The following ANOS1 variants were observed in gnomAD, a reference collection of about 807,000 sequenced individuals.
ANOS1 encodes anosmin-1.
ANOS1 carries 6 observed loss-of-function variants against 59.0 expected under a neutral mutation model. That is an observed-to-expected ratio of 0.10 (90% confidence interval 0.06 to 0.20). The LOEUF is 0.20. ANOS1 is among the 10% of genes least tolerant of loss of function. The pLI, the probability that ANOS1 is intolerant of heterozygous loss-of-function variation, is 1.00. For synonymous variants in ANOS1, 217 were observed against 223.4 expected (o/e 0.97, Z 0.25); for missense variants, 433 against 542.3 (o/e 0.80, Z 2.00).
chrX:8,626,981 T>C (rs1480004310), intron 2 of ANOS1, among the ~76,000 whole-genome samples: 1 of 112,294 alleles, frequency 8.9e-6, no homozygotes, highest in East Asian at 2.8e-4. Context: ...TTGTTACTTA[T>C]TTTTTCTAGA....
At position 8,530,806 on chromosome X, in the gene ANOS1, A is replaced by G. The variant is rs1929486655; in HGVS notation, c.*2189T>C. On this transcript the variant is annotated 3_prime_UTR_variant, in exon 14 of 14. Coordinates refer to ENST00000262648, the MANE Select transcript of ANOS1 (RefSeq NM_000216.4). ...AACAGTACAAAAATTTGCTGGCATA[A>G]ACATTTGAATTTGTTCATGACAAGT... 1 of 110,835 alleles carries G rather than the reference A, an allele frequency of 9.0e-6. No individual in the cohort carries two copies. The highest frequency in any genetic ancestry group is 3.3e-5 in the African/African-American group (1 of 30,604). 9.1% of individuals were successfully genotyped at this position (110,835 alleles called of 1,213,427 possible). A position where few individuals can be genotyped will look rare whatever the true frequency, so the allele number is the denominator to read the frequency against.
intron 2 of ANOS1, among the ~76,000 whole-genome samples, chrX:8,629,258 T>A (rs771633780): frequency 2.1e-4 from 23 of 109,949 alleles, no homozygotes; most frequent in African/African-American, 6.9e-4. Flanking sequence ...GAAAAAAAAA[T>A]TTTAAAAAGG....
chrX:8,705,368 C>T (rs942491162), intron 1 of ANOS1, among the ~76,000 whole-genome samples: 1 of 111,651 alleles, frequency 9.0e-6, no homozygotes, highest in Non-Finnish European at 1.9e-5. Flanking sequence ...ATATATTTGC[C>T]CTCAAAATGC....
At chrX:8,730,805 G>A (rs1408598142) in intron 1 of ANOS1, among the ~76,000 whole-genome samples, 1 of 112,688 alleles carries the variant, frequency 8.9e-6, no homozygotes, top group Non-Finnish European at 1.9e-5. Flanking sequence ...GATGAGAGAA[G>A]AGAAAAATAA....
intron 8 of ANOS1, among the ~76,000 whole-genome samples, chrX:8,555,231 C>T (rs1452992777): frequency 1.8e-5 from 2 of 111,264 alleles, no homozygotes; most frequent in South Asian, 7.5e-4. Context: ...GCTAAAGCAG[C>T]GTTTAGAGGG....
chrX:8,644,867 T>C (rs1931726762), intron 2 of ANOS1, among the ~76,000 whole-genome samples: 1 of 112,721 alleles, frequency 8.9e-6, no homozygotes, highest in Non-Finnish European at 1.9e-5. Context: ...TGTCCTGCCC[T>C]TTCAGGCTGA....
intron 6 of ANOS1, 141 bp from the exon 7 acceptor site, chrX:8,570,845 C>T: frequency 1.8e-6 from 1 of 559,989 alleles, no homozygotes; most frequent in Non-Finnish European, 3.0e-6. Flanking sequence ...GGCATGGTGG[C>T]TCATGTCTGC....
chrX:8,710,711 C>T (rs1042793203), intron 1 of ANOS1, among the ~76,000 whole-genome samples: 3 of 111,639 alleles, frequency 2.7e-5, no homozygotes, highest in African/African-American at 6.6e-5. Context: ...GAATTCCTAG[C>T]GAAATCTCTC....
chrX:8,684,850 C>G (rs1487727321), intron 2 of ANOS1, among the ~76,000 whole-genome samples: 3 of 110,787 alleles, frequency 2.7e-5, no homozygotes. Context: ...GACCCACCTT[C>G]CTCAGCAAGC....
chrX:8,582,250 C>T (rs112704847), intron 6 of ANOS1, among the ~76,000 whole-genome samples: 5,684 of 112,233 alleles, frequency 0.051, 317 homozygotes, highest in African/African-American at 0.16. Flanking sequence ...TGCTTGTTTG[C>T]TTACACATAT....
intron 8 of ANOS1, among the ~76,000 whole-genome samples, chrX:8,565,467 A>G (rs1930094688): frequency 8.9e-6 from 1 of 112,284 alleles, no homozygotes; most frequent in Non-Finnish European, 1.9e-5. Context: ...GAGATCTGTA[A>G]CTACGCTGAT....
intron 9 of ANOS1, among the ~76,000 whole-genome samples, chrX:8,549,704 C>T (rs5978900): frequency 0.049 from 5,488 of 112,090 alleles, 325 homozygotes; most frequent in African/African-American, 0.17. Context: ...ACCGGTCCAA[C>T]CAATCTGGAT....
chrX:8,696,745 T>C (rs902689822), intron 2 of ANOS1, among the ~76,000 whole-genome samples: 1 of 112,468 alleles, frequency 8.9e-6, no homozygotes, highest in African/African-American at 3.2e-5. Context: ...TATAGGTTCT[T>C]TATTAGCATC....
intron 2 of ANOS1, among the ~76,000 whole-genome samples, chrX:8,668,394 C>T (rs868296743): frequency 3.9e-5 from 2 of 51,574 alleles, no homozygotes; most frequent in Non-Finnish European, 7.4e-5. Flanking sequence ...AGTATTCCAT[C>T]ATATATATAT....
At chrX:8,561,215 T>G (rs779860220) in intron 8 of ANOS1, among the ~76,000 whole-genome samples, 1 of 112,688 alleles carries the variant, frequency 8.9e-6, no homozygotes, top group Non-Finnish European at 1.9e-5. Context: ...AAAACGCACA[T>G]TTGTTAGATT....
chrX:8,648,577 A>G (rs768986168), intron 2 of ANOS1, among the ~76,000 whole-genome samples: 1 of 111,976 alleles, frequency 8.9e-6, no homozygotes, highest in Non-Finnish European at 1.9e-5. Flanking sequence ...ACTATTTGCC[A>G]TAAATCTAGT....
intron 2 of ANOS1, among the ~76,000 whole-genome samples, chrX:8,643,496 A>T (rs1438139386): frequency 9.0e-6 from 1 of 111,666 alleles, no homozygotes; most frequent in Admixed American, 9.6e-5. Context: ...GGCTTTATTT[A>T]ACTCTATATA....
At position 8,731,812 on chromosome X, in the gene ANOS1, G is replaced by A. The variant is rs924723279; in HGVS notation, c.207+18C>T. The A allele has an allele frequency of 8.5e-7, 1 of 1,181,178 alleles. No homozygotes were observed. The highest frequency in any genetic ancestry group is 1.1e-6 in the Non-Finnish European group (1 of 880,540). The stretch of plus-strand genomic sequence containing the variant: ...GGCCGCAGCCCCAGAAAGAACCCGG[G>A]CGGGGGCCTCCCCGTACCTGGAAGT... On this transcript the variant is annotated intron_variant, in intron 1 of 13. Coordinates refer to ENST00000262648, the MANE Select transcript of ANOS1 (RefSeq NM_000216.4).
intron 2 of ANOS1, among the ~76,000 whole-genome samples, chrX:8,639,578 C>A (rs1312406283): frequency 8.9e-6 from 1 of 111,832 alleles, no homozygotes; most frequent in African/African-American, 3.2e-5. Flanking sequence ...TTACAGAATG[C>A]TTCTCTTCTG....
Sources: gnomAD v4.1 joint callset for allele counts (sites outside exome capture counted in the v4.1 genomes callset) on GRCh38, gnomAD v4.1.1 for gene constraint, MANE v1.5 for transcripts, NCBI Gene and HGNC (gene_info 2026-07-23, HGNC 2026-07-21) for gene names.